LRRTM4: variants seen among roughly 807,000 people sequenced by gnomAD.
The protein encoded by LRRTM4 is leucine rich repeat transmembrane neuronal 4.
In LRRTM4, 25 loss-of-function variants were observed where a neutral mutation model predicts 47.6. The observed-to-expected ratio is 0.53, with a 90% CI of 0.38 to 0.73. LRRTM4 has a LOEUF of 0.73. Ranked by LOEUF, LRRTM4 falls within the 30% of genes least tolerant of loss-of-function variation. The pLI is 0.00. For synonymous variants in LRRTM4, 311 were observed against 269.5 expected, an observed-to-expected ratio of 1.15 and a Z score of -1.51; for missense variants, 638 against 713.4, an observed-to-expected ratio of 0.89 and a Z score of 1.20.
intron 3 of LRRTM4, among the ~76,000 whole-genome samples, chr2:77,177,264 C>A (rs553695873): frequency 6.6e-6 from 1 of 152,258 alleles, no homozygotes; most frequent in South Asian, 2.1e-4. Flanking sequence ...GGGCTGAACC[C>A]CAGTTTTGGG....
At chr2:77,062,147 T>C (rs905044129) in intron 3 of LRRTM4, among the ~76,000 whole-genome samples, 5 of 152,164 alleles carry the variant, frequency 3.3e-5, no homozygotes, top group Non-Finnish European at 7.4e-5. Flanking sequence ...TTTTTCTTTT[T>C]TGGGGGGTGG....
At chr2:77,300,375 A>G (rs1677102807) in intron 3 of LRRTM4, among the ~76,000 whole-genome samples, 1 of 152,192 alleles carries the variant, frequency 6.6e-6, no homozygotes, top group African/African-American at 2.4e-5. Flanking sequence ...AGAGTCCTCA[A>G]AGAAGAGGAC....
At chr2:77,000,401 G>A (rs1371712400) in intron 3 of LRRTM4, among the ~76,000 whole-genome samples, 1 of 152,148 alleles carries the variant, frequency 6.6e-6, no homozygotes, top group African/African-American at 2.4e-5. Context: ...ATGAGAGCTT[G>A]GGAGAGTGTA....
intron 3 of LRRTM4, among the ~76,000 whole-genome samples, chr2:77,133,286 C>T (rs902488405): frequency 6.6e-6 from 1 of 152,170 alleles, no homozygotes; most frequent in Non-Finnish European, 1.5e-5. Context: ...TGACATGACA[C>T]AACTGATGCA....
intron 3 of LRRTM4, among the ~76,000 whole-genome samples, chr2:77,254,578 T>C (rs1471903521): frequency 1.3e-5 from 2 of 151,830 alleles, no homozygotes; most frequent in Non-Finnish European, 2.9e-5. Flanking sequence ...TTTTTGATGG[T>C]AGAAGTAAAA....
At chr2:77,291,149 T>C (rs1676812783) in intron 3 of LRRTM4, among the ~76,000 whole-genome samples, 1 of 152,006 alleles carries the variant, frequency 6.6e-6, no homozygotes, top group Non-Finnish European at 1.5e-5. Flanking sequence ...ATTTTTATTA[T>C]ACAGATGAGA....
chr2:77,456,316 CAAAG>C (rs958039290), intron 3 of LRRTM4, among the ~76,000 whole-genome samples: 30 of 152,096 alleles, frequency 2.0e-4, no homozygotes, highest in African/African-American at 7.2e-4. Flanking sequence ...TCTAATAATT[CAAAG>C]AAAAATAATT....
At chr2:76,779,659 G>T (rs1376014011) in intron 3 of LRRTM4, among the ~76,000 whole-genome samples, 1 of 151,552 alleles carries the variant, frequency 6.6e-6, no homozygotes, top group Non-Finnish European at 1.5e-5. Flanking sequence ...ATGTGTCTCT[G>T]CACGTGAGAT....
At chr2:77,512,307 C>A (rs916680295) in intron 3 of LRRTM4, among the ~76,000 whole-genome samples, 1 of 152,080 alleles carries the variant, frequency 6.6e-6, no homozygotes, top group African/African-American at 2.4e-5. Flanking sequence ...AAATACTGTG[C>A]TTTTTTTCTC....
intron 3 of LRRTM4, among the ~76,000 whole-genome samples, chr2:76,918,838 T>C (rs971820038): frequency 6.6e-6 from 1 of 152,156 alleles, no homozygotes; most frequent in Non-Finnish European, 1.5e-5. Context: ...GTTAAGAGCA[T>C]GAATAAGAAT....
At chr2:76,865,557 C>T (rs536708316) in intron 3 of LRRTM4, among the ~76,000 whole-genome samples, 60 of 152,244 alleles carry the variant, frequency 3.9e-4, no homozygotes, top group African/African-American at 1.3e-3. Context: ...AATTTGGAGA[C>T]ATTTGTTTTT....
At chr2:77,474,814 C>T (rs1459709561) in intron 3 of LRRTM4, among the ~76,000 whole-genome samples, 1 of 151,994 alleles carries the variant, frequency 6.6e-6, no homozygotes, top group Non-Finnish European at 1.5e-5. Flanking sequence ...TCATATTGTG[C>T]TCATTACAAA....
rs149270379 is a variant in LRRTM4 at position 77,281,524 on chromosome 2, A to C, written c.1551+236794T>G. Among the ~76,000 whole-genome samples, 240 of 152,048 alleles carry C rather than the reference A, an allele frequency of 1.6e-3. 1 individual carries two copies. Among genetic ancestry groups the C allele is most frequent in the African/African-American group, 5.4e-3 (225 of 41,562 alleles). On this transcript the variant is annotated intron_variant, in intron 3 of 3. Transcript: ENST00000409884. ...ACAAATGATAAAGCTAAATTTAAAA[A>C]TTAGTAGGGGTGAAGTAGAAAATTT...
intron 3 of LRRTM4, among the ~76,000 whole-genome samples, chr2:77,454,256 C>A (rs895544049): frequency 6.6e-6 from 1 of 152,092 alleles, no homozygotes; most frequent in Non-Finnish European, 1.5e-5. Flanking sequence ...TTAATGAACA[C>A]CCGTATTTTA....
At chr2:76,814,164 C>A (rs956964329) in intron 3 of LRRTM4, among the ~76,000 whole-genome samples, 3 of 151,962 alleles carry the variant, frequency 2.0e-5, no homozygotes, top group African/African-American at 7.2e-5. Flanking sequence ...TGGTAAAATA[C>A]CATTTTCATC....
chr2:77,169,908 T>C (rs1672998011), intron 3 of LRRTM4, among the ~76,000 whole-genome samples: 1 of 152,202 alleles, frequency 6.6e-6, no homozygotes, highest in Admixed American at 6.5e-5. Flanking sequence ...GGTCTAAGTT[T>C]GTTGTGCGTT....
intron 3 of LRRTM4, among the ~76,000 whole-genome samples, chr2:76,979,222 G>A (rs1462201299): frequency 4.5e-4 from 69 of 151,964 alleles, no homozygotes; most frequent in Non-Finnish European, 1.5e-4. Context: ...GTAATTTCAG[G>A]TCATTGGAAT....
intron 3 of LRRTM4, among the ~76,000 whole-genome samples, chr2:77,299,019 A>G (rs1183888625): frequency 6.6e-6 from 1 of 152,142 alleles, no homozygotes; most frequent in African/African-American, 2.4e-5. Context: ...ACACAATACA[A>G]AACAGTATAC....
chr2:76,929,908 A>G (rs1674713203), intron 3 of LRRTM4, among the ~76,000 whole-genome samples: 1 of 148,408 alleles, frequency 6.7e-6, no homozygotes, highest in African/African-American at 2.5e-5. Context: ...TAAAAATGTG[A>G]TAATTGCAAT....
Sources: allele counts gnomAD v4.1 joint callset (sites outside exome capture counted in the v4.1 genomes callset), GRCh38; gene constraint gnomAD v4.1.1; transcripts MANE v1.5; gene names NCBI Gene and HGNC (gene_info 2026-07-23, HGNC 2026-07-21).